Variants in STK32B observed in about 807,000 individuals in gnomAD.
STK32B encodes serine/threonine kinase 32B, also known as serine/threonine-protein kinase 32B.
STK32B carries 43 observed loss-of-function variants against 52.6 expected under a neutral mutation model. The observed-to-expected ratio is 0.82, with a 90% CI of 0.64 to 1.05. The LOEUF (loss-of-function observed/expected upper bound fraction) is 1.05. Ranked by LOEUF, STK32B falls within the 50% of genes least tolerant of loss-of-function variation. STK32B has a pLI of 0.00. For missense variants in STK32B, 621 were observed against 534.6 expected, an observed-to-expected ratio of 1.16 and a Z score of -1.59; for synonymous variants, 238 against 204.3, an observed-to-expected ratio of 1.17 and a Z score of -1.41.
intron 2 of STK32B, among the ~76,000 whole-genome samples, chr4:5,155,219 C>A (rs1717714742): frequency 6.6e-6 from 1 of 152,204 alleles, no homozygotes; most frequent in African/African-American, 2.4e-5. Flanking sequence ...AGAATGCCCA[C>A]CCTCTTCGTC....
chr4:5,325,538 A>G (rs1464156186), intron 3 of STK32B, among the ~76,000 whole-genome samples: 3 of 151,900 alleles, frequency 2.0e-5, no homozygotes, highest in African/African-American at 7.3e-5. Flanking sequence ...CTTATTTTTA[A>G]TTCTATTATG....
intron 9 of STK32B, among the ~76,000 whole-genome samples, chr4:5,464,089 A>G (rs1254076021): frequency 2.0e-5 from 3 of 152,168 alleles, no homozygotes. Context: ...GTCACGTGGC[A>G]GGAGCAGGAA....
intron 11 of STK32B, among the ~76,000 whole-genome samples, chr4:5,495,357 G>A (rs548987748): frequency 1.3e-5 from 2 of 152,232 alleles, no homozygotes; most frequent in Non-Finnish European, 2.9e-5. Flanking sequence ...ATTTCTTCCA[G>A]TTGATCTCAT....
intron 3 of STK32B, among the ~76,000 whole-genome samples, chr4:5,320,016 C>T (rs1238882763): frequency 6.6e-6 from 1 of 152,190 alleles, no homozygotes; most frequent in Admixed American, 6.5e-5. Flanking sequence ...TGGCAGATTT[C>T]TAGCCTTTGC....
At chr4:5,241,805 T>C (rs1433537304) in intron 3 of STK32B, among the ~76,000 whole-genome samples, 1 of 152,108 alleles carries the variant, frequency 6.6e-6, no homozygotes, top group Non-Finnish European at 1.5e-5. Flanking sequence ...CAATTCCCAC[T>C]TATCAGTGAG....
intron 3 of STK32B, among the ~76,000 whole-genome samples, chr4:5,284,273 G>C (rs1728403231): frequency 6.6e-6 from 1 of 152,026 alleles, no homozygotes; most frequent in Admixed American, 6.6e-5. Flanking sequence ...AAAGAAGACA[G>C]CAAAAGAAGA....
chr4:5,294,444 T>A (rs1182564097), intron 3 of STK32B, among the ~76,000 whole-genome samples: 2 of 152,198 alleles, frequency 1.3e-5, no homozygotes, highest in Non-Finnish European at 2.9e-5. Flanking sequence ...CCTCTCTTAT[T>A]GCCTTGAGCA....
chr4:5,398,149 A>G lies in STK32B; in HGVS notation c.435-58A>G, dbSNP rs41268637. On this transcript the variant is annotated intron_variant, in intron 4 of 11. Transcript: ENST00000282908. The surrounding 1 kb of genome is among the most constrained non-coding windows in gnomAD (Gnocchi z 4.9). ...ATTTGTCCTGATGTGGTGCTTGTCT[A>G]TGTGCTCATCTGTGGGCTCAGGAAC... 0.013 allele frequency: 21,494 copies of G among 1,601,650 alleles called. 203 individuals carry two copies. The highest frequency in any genetic ancestry group is 0.025 in the Middle Eastern group (148 of 5,996).
intron 11 of STK32B, among the ~76,000 whole-genome samples, chr4:5,490,298 G>T (rs1719609990): frequency 6.6e-6 from 1 of 151,886 alleles, no homozygotes. Flanking sequence ...GTAGAGATGG[G>T]GTTTCACCTT....
intron 11 of STK32B, 126 bp from the exon 12 acceptor site, chr4:5,498,819 T>C: frequency 1.5e-6 from 2 of 1,342,176 alleles, no homozygotes; most frequent in Non-Finnish European, 2.0e-6. Context: ...TAATGATCAA[T>C]CTTCCCAGGT....
intron 3 of STK32B, among the ~76,000 whole-genome samples, chr4:5,311,462 A>G: frequency 6.6e-6 from 1 of 152,314 alleles, no homozygotes; most frequent in Non-Finnish European, 1.5e-5. Flanking sequence ...AATTGAAAAT[A>G]GGAGAACAGT....
intron 1 of STK32B, chr4:5,139,548 G>A (rs1042374375): frequency 4.1e-6 from 1 of 246,190 alleles, no homozygotes; most frequent in Non-Finnish European, 8.0e-6. Context: ...CAAAGGAGGG[G>A]AGGATGTCCA....
chr4:5,373,157 G>T lies in STK32B; in HGVS notation c.435-25050G>T, dbSNP rs182953418. ...AACAGAGTAAGGAAAGGATGCTCTGGTTTCTAGGCACTCATGCATATAGCT... is the reference window on the plus strand; with the variant it reads ...AACAGAGTAAGGAAAGGATGCTCTGTTTTCTAGGCACTCATGCATATAGCT... On this transcript the variant is annotated intron_variant, in intron 4 of 11. Transcript: ENST00000282908. Among the ~76,000 whole-genome samples the T allele has an allele frequency of 2.0e-5, 3 of 152,214 alleles. No homozygotes were observed. The East Asian group carries it at 5.8e-4, about 29-fold the overall frequency.
intron 3 of STK32B, among the ~76,000 whole-genome samples, chr4:5,201,666 A>G (rs1241886487): frequency 6.6e-6 from 1 of 152,176 alleles, no homozygotes; most frequent in East Asian, 1.9e-4. Context: ...ATGGCTGGGG[A>G]GGCATCAGGA....
chr4:5,071,688 A>G (rs11940060), intron 1 of STK32B, among the ~76,000 whole-genome samples: 26,859 of 152,210 alleles, frequency 0.18, 2,850 homozygotes, highest in Middle Eastern at 0.34. Flanking sequence ...CACACCTTTC[A>G]TGCATTAACC....
chr4:5,268,133 A>G (rs764476699), intron 3 of STK32B, among the ~76,000 whole-genome samples: 3 of 152,186 alleles, frequency 2.0e-5, no homozygotes, highest in Non-Finnish European at 2.9e-5. Flanking sequence ...TTTGTTGAGC[A>G]TCATTTTAGA....
chr4:5,432,772 A>T (rs1713703861), intron 6 of STK32B, among the ~76,000 whole-genome samples: 1 of 134,510 alleles, frequency 7.4e-6, no homozygotes, highest in African/African-American at 3.0e-5. Flanking sequence ...GATTTTGAGC[A>T]AGTAGTTTGA....
intron 11 of STK32B, among the ~76,000 whole-genome samples, chr4:5,496,181 G>A (rs980322835): frequency 6.6e-6 from 1 of 152,226 alleles, no homozygotes; most frequent in African/African-American, 2.4e-5. Flanking sequence ...GCCCCCAGAG[G>A]TGGAGCCTAC....
At chr4:5,443,948 G>T (rs13143271) in intron 6 of STK32B, among the ~76,000 whole-genome samples, 21,158 of 152,242 alleles carry the variant, frequency 0.14, 1,641 homozygotes, top group East Asian at 0.28. Context: ...TGAGGAGGCA[G>T]TCTGCCAGTT....
Sources: allele counts gnomAD v4.1 joint callset (sites outside exome capture counted in the v4.1 genomes callset), GRCh38; gene constraint gnomAD v4.1.1; non-coding constraint Gnocchi (gnomAD v3.1); transcripts MANE v1.5; gene names NCBI Gene and HGNC (gene_info 2026-07-23, HGNC 2026-07-21).